The following AADACL2 variants were observed in gnomAD, a reference collection of about 807,000 sequenced individuals.
AADACL2 encodes arylacetamide deacetylase-like 2.
In AADACL2, 23 loss-of-function variants were observed where a neutral mutation model predicts 22.3. The ratio of observed to expected loss-of-function variants is 1.03; its 90% CI spans 0.74 to 1.46. The LOEUF is 1.46. Ranked by LOEUF, AADACL2 falls within the 40% of genes most tolerant of loss-of-function variation. The pLI is 0.00. For synonymous variants in AADACL2, 177 were observed against 166.2 expected, an observed-to-expected ratio of 1.07 and a Z score of -0.50; for missense variants, 472 against 482.9, an observed-to-expected ratio of 0.98 and a Z score of 0.21.
rs1054939818 is a variant in AADACL2, at chr3:151,758,713, A to G, written c.*1119A>G. On this transcript the variant is annotated 3_prime_UTR_variant, in exon 5 of 5. Coordinates refer to ENST00000356517, the MANE Select transcript of AADACL2 (RefSeq NM_207365.4). ...GAGTGGAATCATAAACAAAAAACTG[A>G]AAATTTATTGCTATGAAAACAGATC... 6.6e-6 allele frequency: 1 copy of G among 152,114 alleles called. No individual in the cohort carries two copies. The highest frequency in any genetic ancestry group is 1.5e-5 in the Non-Finnish European group (1 of 67,986). The allele number at this position is 152,114 out of a possible 1,614,324, so 9.4% of individuals were successfully genotyped here.
At chr3:151,747,077 T>G (rs1421133278) in intron 4 of AADACL2, among the ~76,000 whole-genome samples, 1 of 152,078 alleles carries the variant, frequency 6.6e-6, no homozygotes, top group Admixed American at 6.6e-5. Flanking sequence ...TTATTTTCTG[T>G]TTTTTTCTCT....
chr3:151,738,243 T>A (rs1056945951), intron 1 of AADACL2, among the ~76,000 whole-genome samples: 4 of 152,232 alleles, frequency 2.6e-5, no homozygotes, highest in African/African-American at 9.6e-5. Flanking sequence ...TCATTTCTCC[T>A]TTGCTTACGA....
intron 1 of AADACL2, among the ~76,000 whole-genome samples, chr3:151,737,977 T>C (rs1576610477): frequency 2.0e-5 from 3 of 152,190 alleles, no homozygotes; most frequent in African/African-American, 7.2e-5. Flanking sequence ...TTGTTATGTA[T>C]GAATTTGATC....
Position 151,757,768 on chromosome 3 carries a change from A to G in AADACL2, c.*174A>G, listed in dbSNP as rs1472403952. On this transcript the variant is annotated 3_prime_UTR_variant, in exon 5 of 5. Coordinates refer to ENST00000356517, the MANE Select transcript of AADACL2 (RefSeq NM_207365.4). The stretch of plus-strand genomic sequence containing the variant: ...AAATTTTCTGACTTGCAGACCCTGA[A>G]TATGTAAAATGTATGTAATCCTGCC... 4.7e-6 allele frequency: 3 copies of G among 634,338 alleles called. No homozygotes were observed. Among genetic ancestry groups the G allele is most frequent in the African/African-American group, 3.7e-5 (2 of 54,214 alleles). The allele number at this position is 634,338 out of a possible 1,614,324, so 39.3% of individuals were successfully genotyped here. A position where few individuals can be genotyped will look rare whatever the true frequency, so the allele number is the denominator to read the frequency against.
chr3:151,748,305 G>A (rs1713528193), intron 4 of AADACL2, among the ~76,000 whole-genome samples: 1 of 152,182 alleles, frequency 6.6e-6, no homozygotes, highest in Admixed American at 6.5e-5. Context: ...GAAATGAAAT[G>A]AGTGTCCAAT....
At chr3:151,753,013 AG>A in intron 4 of AADACL2, among the ~76,000 whole-genome samples, 1 of 152,344 alleles carries the variant, frequency 6.6e-6, no homozygotes, top group South Asian at 2.1e-4. Flanking sequence ...CTTTAAAAAC[AG>A]TTTAATAGCA....
At chr3:151,743,593 A>G (rs964887754) in intron 2 of AADACL2, among the ~76,000 whole-genome samples, 1 of 152,126 alleles carries the variant, frequency 6.6e-6, no homozygotes, top group African/African-American at 2.4e-5. Flanking sequence ...CTATTTTATT[A>G]TGTGGCATCT....
At chr3:151,747,643 TAC>T (rs377480776) in intron 4 of AADACL2, among the ~76,000 whole-genome samples, 18 of 147,618 alleles carry the variant, frequency 1.2e-4, no homozygotes, top group Admixed American at 3.4e-4. Flanking sequence ...TGTGTGTAGA[TAC>T]ACACACACAC....
At chr3:151,753,320 A>G (rs1364410167) in intron 4 of AADACL2, among the ~76,000 whole-genome samples, 1 of 152,146 alleles carries the variant, frequency 6.6e-6, no homozygotes, top group Non-Finnish European at 1.5e-5. Flanking sequence ...TTAGGACATA[A>G]AGTGGGAAGT....
intron 1 of AADACL2, among the ~76,000 whole-genome samples, chr3:151,740,136 G>A (rs1576611354): frequency 6.6e-6 from 1 of 152,228 alleles, no homozygotes; most frequent in Non-Finnish European, 1.5e-5. Context: ...GGGCCCTGCT[G>A]TAGGCACATG....
chr3:151,734,283 A>T lies in AADACL2; in HGVS notation c.138+110A>T. 2.5e-6 allele frequency: 3 copies of T among 1,218,394 alleles called. No individual in the cohort carries two copies. The South Asian group carries it at 5.4e-5, about 22-fold the overall frequency. 75.5% of individuals were successfully genotyped at this position (1,218,394 alleles called of 1,614,324 possible). On this transcript the variant is annotated intron_variant, in intron 1 of 4. Coordinates refer to ENST00000356517, the MANE Select transcript of AADACL2 (RefSeq NM_207365.4). ...GTATTAATATCACCATTTTGAAAGA[A>T]CCATTGCTTGTTTGAGTAAATTAAT...
chr3:151,754,380 G>C (rs1713796991), intron 4 of AADACL2, among the ~76,000 whole-genome samples: 1 of 152,094 alleles, frequency 6.6e-6, no homozygotes, highest in Non-Finnish European at 1.5e-5. Flanking sequence ...AATACCAGTG[G>C]CATGGCCTAT....
intron 2 of AADACL2, among the ~76,000 whole-genome samples, chr3:151,741,117 G>A (rs2107982395): frequency 6.6e-6 from 1 of 152,084 alleles, no homozygotes; most frequent in South Asian, 2.1e-4. Flanking sequence ...CTTTCATATT[G>A]AATGAACATA....
rs1713961820 is a variant in AADACL2 at position 151,757,317 on chromosome 3, C to T, written c.929C>T (p.Pro310Leu). Residue 310 changes from proline (P) to leucine (L), a missense_variant, in exon 5 of 5, where the codon CCA (proline) becomes CTA (leucine). Physicochemically the swap from Pro to Leu is moderately conservative, Grantham distance 98. Around this residue, in one of 3 missense-constraint regions of AADACL2, gnomAD observed 3 missense variants for 16.5 expected, o/e 0.18. Transcript: ENST00000356517. The part of the protein sequence containing the change: ...PILGGLSYSL[P>L]GLTDSRALPL... The stretch of plus-strand genomic sequence containing the variant: ...CTTGGAGGACTTAGTTATTCATTGC[C>T]AGGACTTACAGACAGCAGAGCATTA... The T allele has an allele frequency of 6.2e-7, 1 of 1,613,558 alleles. No homozygotes were observed. The highest frequency in any genetic ancestry group is 1.7e-5 in the Admixed American group (1 of 59,956).
rs1478673973 is a variant in AADACL2 at position 151,761,210 on chromosome 3, T to C, written c.*3616T>C. On this transcript the variant is annotated 3_prime_UTR_variant, in exon 5 of 5. Transcript: ENST00000356517. ...TGAGATATATACATATTGTGATATA[T>C]ATATATATATATATATATATATATA... 1 of 67,486 alleles carries C rather than the reference T, an allele frequency of 1.5e-5. No individual in the cohort carries two copies. The highest frequency in any genetic ancestry group is 7.0e-5 in the African/African-American group (1 of 14,246). The allele number at this position is 67,486 out of a possible 1,614,324, so 4.2% of individuals were successfully genotyped here.
Position 151,757,675 on chromosome 3 carries a change from C to T in AADACL2, c.*81C>T. ...GTGGTTTTGGAGCAAAGAACAATGT[C>T]ATTTGAGTTATCTAAATCTACATTT... On this transcript the variant is annotated 3_prime_UTR_variant, in exon 5 of 5. Coordinates refer to ENST00000356517, the MANE Select transcript of AADACL2 (RefSeq NM_207365.4). 6.9e-7 allele frequency: 1 copy of T among 1,451,492 alleles called. No individual in the cohort carries two copies. Among genetic ancestry groups the T allele is most frequent in the South Asian group, 1.4e-5 (1 of 71,116 alleles). The allele number at this position is 1,451,492 out of a possible 1,614,324, so 89.9% of individuals were successfully genotyped here.
At chr3:151,736,786 T>C (rs888759163) in intron 1 of AADACL2, among the ~76,000 whole-genome samples, 1 of 152,220 alleles carries the variant, frequency 6.6e-6, no homozygotes, top group African/African-American at 2.4e-5. Context: ...AATAAACATA[T>C]GTATGCATGT....
chr3:151,742,597 A>G (rs910037962), intron 2 of AADACL2, among the ~76,000 whole-genome samples: 5 of 151,816 alleles, frequency 3.3e-5, no homozygotes, highest in African/African-American at 1.2e-4. Flanking sequence ...TGTGGCTGAT[A>G]AAGAAACCCA....
intron 1 of AADACL2, among the ~76,000 whole-genome samples, chr3:151,735,192 T>C (rs961509100): frequency 6.6e-6 from 1 of 152,214 alleles, no homozygotes; most frequent in Non-Finnish European, 1.5e-5. Flanking sequence ...CATAAGTGGG[T>C]AAGCAAGTGT....
Sources: allele counts gnomAD v4.1 joint callset (sites outside exome capture counted in the v4.1 genomes callset), GRCh38; gene constraint gnomAD v4.1.1; regional missense constraint gnomAD v4.1.1; transcripts MANE v1.5; gene names NCBI Gene and HGNC (gene_info 2026-07-23, HGNC 2026-07-21).